Variants in MS4A1 observed in about 807,000 individuals in gnomAD.
MS4A1 encodes the protein membrane spanning 4-domains A1.
MS4A1 carries 16 observed loss-of-function variants against 26.5 expected under a neutral mutation model. The observed-to-expected ratio is 0.60, with a 90% CI of 0.41 to 0.92. The LOEUF is 0.92. Ranked by LOEUF, MS4A1 falls within the 40% of genes least tolerant of loss-of-function variation. The pLI is 0.00. For synonymous variants in MS4A1, 128 were observed against 117.6 expected, an observed-to-expected ratio of 1.09 and a Z score of -0.57; for missense variants, 350 against 353.0, an observed-to-expected ratio of 0.99 and a Z score of 0.07.
rs1377897166 is a variant in MS4A1 at position 60,466,970 on chromosome 11, A to T, written c.585A>T (p.Ser195=). 6.2e-7 allele frequency: 1 copy of T among 1,614,098 alleles called. No homozygotes were observed. The highest frequency in any genetic ancestry group is 1.1e-5 in the South Asian group (1 of 91,082). The change falls in exon 7 of 8, where the codon TCA becomes TCT. Residue 195 remains serine, a synonymous_variant. Transcript: ENST00000345732. ...CTGTTGTTTTTCAGGGCATTTTGTC[A>T]GTGATGCTGATCTTTGCCTTCTTCC... ...SIQSLFLGIL[S]VMLIFAFFQE... is the part of the protein sequence containing the mutation.
chr11:60,461,338 G>A (rs2086246233), intron 2 of MS4A1, among the ~76,000 whole-genome samples, 178 bp downstream of exon 2: 2 of 151,522 alleles, frequency 1.3e-5, no homozygotes, highest in South Asian at 4.2e-4. Context: ...GCCCAGTTAA[G>A]TGTTATAGCA....
rs1026943699 is a variant in MS4A1 at position 60,469,263 on chromosome 11, C to T, written c.*795C>T. The T allele has an allele frequency of 2.0e-5, 3 of 152,088 alleles. No individual in the cohort carries two copies. The highest frequency in any genetic ancestry group is 7.2e-5 in the African/African-American group (3 of 41,432). 9.4% of individuals were successfully genotyped at this position (152,088 alleles called of 1,614,324 possible). On this transcript the variant is annotated 3_prime_UTR_variant, in exon 8 of 8. Coordinates refer to ENST00000345732, the MANE Select transcript of MS4A1 (RefSeq NM_152866.3). ...AGTTATATTTATAATTTCCAGATGA[C>T]AAAGTATTTCATCAAATAACTTCAT...
At position 60,468,515 on chromosome 11, in the gene MS4A1, T is replaced by C. The variant is rs201192611; in HGVS notation, c.*47T>C. The stretch of plus-strand genomic sequence containing the variant: ...TTCCTTTTTTAAACATTAGTGTTCA[T>C]AGCTTCCAAGAGACATGCTGACTTT... On this transcript the variant is annotated 3_prime_UTR_variant, in exon 8 of 8. Coordinates refer to ENST00000345732, the MANE Select transcript of MS4A1 (RefSeq NM_152866.3). 3.9e-5 allele frequency: 61 copies of C among 1,560,628 alleles called. 2 individuals are homozygous for C. In the South Asian group the frequency reaches 6.3e-4, roughly 16 times the overall value.
In MS4A1 at chr11:60,468,685, A is replaced by G. The variant is rs201677991; in HGVS notation, c.*217A>G. 3.6e-4 allele frequency: 207 copies of G among 571,756 alleles called. 1 individual carries two copies. The South Asian group carries it at 4.1e-3, about 11-fold the overall frequency. The allele number at this position is 571,756 out of a possible 1,614,324, so 35.4% of individuals were successfully genotyped here. The stretch of plus-strand genomic sequence containing the variant: ...GTTGTCACGCTTCTTCTTTTGAGCA[A>G]CTTTCTTACACTGAAGAAAGGCAGA... On this transcript the variant is annotated 3_prime_UTR_variant, in exon 8 of 8. Coordinates refer to ENST00000345732, the MANE Select transcript of MS4A1 (RefSeq NM_152866.3).
At chr11:60,462,577 C>T in intron 3 of MS4A1, 44 bp downstream of exon 3, 2 of 1,610,978 alleles carry the variant, frequency 1.2e-6, no homozygotes, top group East Asian at 4.5e-5. Flanking sequence ...GATTCTCTGG[C>T]TGACAGAAGC....
intron 7 of MS4A1, among the ~76,000 whole-genome samples, chr11:60,467,265 T>C (rs1001672169): frequency 1.7e-4 from 25 of 151,242 alleles, no homozygotes; most frequent in African/African-American, 5.8e-4. Context: ...TACAGTTCTA[T>C]ATTCTGTGCG....
chr11:60,459,660 G>T (rs2086232238), intron 1 of MS4A1, among the ~76,000 whole-genome samples: 1 of 152,186 alleles, frequency 6.6e-6, no homozygotes, highest in Non-Finnish European at 1.5e-5. Context: ...TTTGTTAGAG[G>T]TCTTGTAGAG....
intron 7 of MS4A1, 103 bp downstream of exon 7, chr11:60,467,163 C>G: frequency 2.0e-6 from 2 of 1,006,272 alleles, no homozygotes; most frequent in South Asian, 2.8e-5. Context: ...AAACTAGGAG[C>G]TTGATTTAAA....
intron 1 of MS4A1, among the ~76,000 whole-genome samples, chr11:60,459,539 T>C (rs1016273193): frequency 1.3e-5 from 2 of 152,214 alleles, no homozygotes; most frequent in Admixed American, 6.5e-5. Context: ...AGCTTCCTCA[T>C]TTGTGAAATG....
chr11:60,466,494 A>G (rs2086292855), intron 6 of MS4A1: 3 of 357,880 alleles, frequency 8.4e-6, no homozygotes, highest in Non-Finnish European at 1.6e-5. Flanking sequence ...ATTTACCATT[A>G]TATTAACTAA....
rs79703274 is a variant in MS4A1, at chr11:60,463,050, C to T, written c.208C>T (p.Leu70=). The T allele has an allele frequency of 7.1e-5, 115 of 1,614,138 alleles. No homozygotes were observed. In the East Asian group the frequency reaches 2.5e-3, roughly 35 times the overall value. Residue 70 remains leucine (L), a synonymous_variant, in exon 4 of 8, where the codon CTG becomes TTG. Coordinates refer to ENST00000345732, the MANE Select transcript of MS4A1 (RefSeq NM_152866.3). The part of the protein sequence containing the change: ...GLFHIALGGL[L]MIPAGIYAPI... The stretch of plus-strand genomic sequence containing the variant: ...CTTCCACATTGCCCTGGGGGGTCTT[C>T]TGATGATCCCAGCAGGGATCTATGC...
chr11:60,456,360 T>C (rs1329667110), intron 1 of MS4A1, among the ~76,000 whole-genome samples: 1 of 152,192 alleles, frequency 6.6e-6, no homozygotes, highest in Admixed American at 6.5e-5. Flanking sequence ...AAATTGGAAC[T>C]AAAATCCTGA....
chr11:60,465,623 G>T, intron 5 of MS4A1: 1 of 361,410 alleles, frequency 2.8e-6, no homozygotes, highest in Non-Finnish European at 5.1e-6. Flanking sequence ...TAGGATGGTG[G>T]CAGTGGCAGT....
At chr11:60,464,823 A>T (rs2086277660) in intron 5 of MS4A1, among the ~76,000 whole-genome samples, 1 of 152,170 alleles carries the variant, frequency 6.6e-6, no homozygotes, top group African/African-American at 2.4e-5. Context: ...AAGGCAGTAG[A>T]GTGTGTGATG....
intron 1 of MS4A1, among the ~76,000 whole-genome samples, chr11:60,457,144 C>T (rs140363163): frequency 1.4e-4 from 21 of 152,256 alleles, no homozygotes; most frequent in East Asian, 9.7e-4. Flanking sequence ...AGCAGGAACG[C>T]CCTCAGGTGA....
In MS4A1 at chr11:60,463,126, G is replaced by A; in HGVS notation, c.279+5G>A. ...CCTCTCTGGGGAGGCATTATGGTGA[G>A]TAAAAGAATAGCAGCCATTTGGGAA... is the stretch of plus-strand genomic sequence containing the variant. On this transcript the variant is annotated splice_donor_5th_base_variant and intron_variant, in intron 4 of 7. Coordinates refer to ENST00000345732, the MANE Select transcript of MS4A1 (RefSeq NM_152866.3). 1 of 1,614,148 alleles carries A rather than the reference G, an allele frequency of 6.2e-7. No homozygotes were observed. Among genetic ancestry groups the A allele is most frequent in the Non-Finnish European group, 8.5e-7 (1 of 1,180,006 alleles).
Position 60,466,036 on chromosome 11 carries a change from G to T in MS4A1, c.452G>T (p.Ser151Ile). ...ATTTCCCATTTTTTAAAAATGGAGA[G>T]TCTGAATTTTATTAGAGCTCACACA... Reference protein sequence around the residue: ...IKISHFLKMESLNFIRAHTPY... With the variant: ...IKISHFLKMEILNFIRAHTPY... The change falls in exon 6 of 8, where the codon AGT becomes ATT. Residue 151 changes from serine to isoleucine, a missense_variant. Ser to Ile is a moderately radical substitution (Grantham distance 142, BLOSUM62 -2). Coordinates refer to ENST00000345732, the MANE Select transcript of MS4A1 (RefSeq NM_152866.3). 1 of 1,613,488 alleles carries T rather than the reference G, an allele frequency of 6.2e-7. No individual in the cohort carries two copies. Among genetic ancestry groups the T allele is most frequent in the Non-Finnish European group, 8.5e-7 (1 of 1,179,482 alleles).
Position 60,469,338 on chromosome 11 carries a change from T to C in MS4A1, c.*870T>C, listed in dbSNP as rs35080829. The C allele has an allele frequency of 1.4e-4, 22 of 152,310 alleles. No individual in the cohort carries two copies. In the East Asian group the frequency reaches 4.2e-3, roughly 29 times the overall value. 9.4% of individuals were successfully genotyped at this position (152,310 alleles called of 1,614,324 possible). A position where few individuals can be genotyped will look rare whatever the true frequency, so the allele number is the denominator to read the frequency against. ...ATCCCTATCTCTATTTTACAAGTAA[T>C]TCAAAGAGGCCAAATAACTTGTAAA... On this transcript the variant is annotated 3_prime_UTR_variant, in exon 8 of 8. Coordinates refer to ENST00000345732, the MANE Select transcript of MS4A1 (RefSeq NM_152866.3).
At position 60,466,300 on chromosome 11, in the gene MS4A1, C is replaced by G. The variant is rs1307514255; in HGVS notation, c.573+143C>G. 3.9e-6 allele frequency: 3 copies of G among 766,328 alleles called. No homozygotes were observed. In the African/African-American group the frequency reaches 5.1e-5, roughly 13 times the overall value. 47.5% of individuals were successfully genotyped at this position (766,328 alleles called of 1,614,324 possible). A position where few individuals can be genotyped will look rare whatever the true frequency, so the allele number is the denominator to read the frequency against. On this transcript the variant is annotated intron_variant, in intron 6 of 7. Transcript: ENST00000345732. The stretch of plus-strand genomic sequence containing the variant: ...TGGCTTTGGGAAAGAATTTTAACCA[C>G]ACTGTGCCTCAATTTCTTCAACTGT...
Sources: allele counts gnomAD v4.1 joint callset (sites outside exome capture counted in the v4.1 genomes callset), GRCh38; gene constraint gnomAD v4.1.1; transcripts MANE v1.5; gene names NCBI Gene and HGNC (gene_info 2026-07-23, HGNC 2026-07-21).